CEP63: variants seen among roughly 807,000 people sequenced by gnomAD.
The protein encoded by CEP63 is centrosomal protein of 63 kDa.
A neutral mutation model predicts 89.1 loss-of-function variants in CEP63; 84 were observed. The ratio of observed to expected loss-of-function variants is 0.94; its 90% CI spans 0.79 to 1.13. CEP63 has a LOEUF of 1.13. CEP63 is among the 50% of genes most tolerant of loss of function. The pLI is 0.00. For synonymous variants in CEP63, 267 were observed against 272.5 expected (o/e 0.98, Z 0.20); for missense variants, 838 against 813.3 (o/e 1.03, Z -0.37).
chr3:134,498,294 A>G (rs1654224349), intron 2 of CEP63, among the ~76,000 whole-genome samples: 1 of 151,024 alleles, frequency 6.6e-6, no homozygotes, highest in Non-Finnish European at 1.5e-5. Flanking sequence ...ATTTAATCCT[A>G]GGTATTTTTT....
the CEP63 span, among the ~76,000 whole-genome samples, chr3:134,765,507 G>A: frequency 2.0e-4 from 31 of 152,232 alleles, no homozygotes; most frequent in Admixed American, 6.5e-5. Flanking sequence ...GGCATGTAGG[G>A]TCTCCTGGAG....
the CEP63 span, among the ~76,000 whole-genome samples, chr3:134,746,986 A>T: frequency 6.6e-6 from 1 of 152,016 alleles, no homozygotes; most frequent in Non-Finnish European, 1.5e-5. Flanking sequence ...TTTAGTCATG[A>T]AGTCCTTGCC....
chr3:134,680,294 T>A, the CEP63 span, among the ~76,000 whole-genome samples: 3 of 152,256 alleles, frequency 2.0e-5, no homozygotes, highest in Non-Finnish European at 4.4e-5. Context: ...GGTTTAATCC[T>A]GTGACCATTC....
chr3:134,602,132 T>G, the CEP63 span, among the ~76,000 whole-genome samples: 2 of 151,064 alleles, frequency 1.3e-5, no homozygotes, highest in African/African-American at 4.9e-5. Context: ...CTCTCAGGGG[T>G]TGGGGGGCAC....
At chr3:134,658,669 G>A in the CEP63 span, among the ~76,000 whole-genome samples, 6 of 152,204 alleles carry the variant, frequency 3.9e-5, no homozygotes, top group Non-Finnish European at 7.3e-5. Context: ...TTGCTCTTCT[G>A]TGTCTGTCTC....
At chr3:134,774,664 T>A in the CEP63 span, among the ~76,000 whole-genome samples, 1 of 152,196 alleles carries the variant, frequency 6.6e-6, no homozygotes, top group Non-Finnish European at 1.5e-5. Context: ...ATAAATGCTG[T>A]GTGAGAGAGT....
the CEP63 span, among the ~76,000 whole-genome samples, chr3:134,617,554 C>T: frequency 3.9e-5 from 6 of 152,160 alleles, no homozygotes; most frequent in Non-Finnish European, 5.9e-5. Flanking sequence ...GTAATATGAC[C>T]AAATGTTACC....
At chr3:134,774,238 G>T in the CEP63 span, among the ~76,000 whole-genome samples, 4 of 152,088 alleles carry the variant, frequency 2.6e-5, no homozygotes, top group Non-Finnish European at 4.4e-5. Flanking sequence ...GGTCTCTCTG[G>T]GTGATGCTGA....
intron 3 of CEP63, among the ~76,000 whole-genome samples, chr3:134,514,473 A>G (rs769484394): frequency 6.6e-6 from 1 of 152,202 alleles, no homozygotes; most frequent in African/African-American, 2.4e-5. Context: ...AAGAAGTCCA[A>G]GAATCTCAAG....
the CEP63 span, among the ~76,000 whole-genome samples, chr3:134,772,235 G>A: frequency 1.2e-3 from 181 of 150,856 alleles, 1 homozygote; most frequent in Middle Eastern, 3.4e-3. Flanking sequence ...GAGAGGAGGT[G>A]GATGGGAGAA....
At chr3:134,669,471 G>C in the CEP63 span, among the ~76,000 whole-genome samples, 10 of 152,182 alleles carry the variant, frequency 6.6e-5, no homozygotes, top group Admixed American at 2.0e-4. Flanking sequence ...AATGAGGAGG[G>C]GGGTCTTGGG....
At chr3:134,573,212 C>T (rs1378211856) in intron 11 of CEP63, among the ~76,000 whole-genome samples, 1 of 152,086 alleles carries the variant, frequency 6.6e-6, no homozygotes, top group African/African-American at 2.4e-5. Context: ...TTTGTTTACT[C>T]TGTAGAAAGT....
intron 10 of CEP63, among the ~76,000 whole-genome samples, chr3:134,582,893 T>C (rs1054546596): frequency 1.3e-5 from 2 of 152,216 alleles, no homozygotes; most frequent in African/African-American, 4.8e-5. Flanking sequence ...AGATGGTATC[T>C]CATTGTGGTT....
At chr3:134,600,440 G>A in the CEP63 span, among the ~76,000 whole-genome samples, 2 of 152,222 alleles carry the variant, frequency 1.3e-5, no homozygotes, top group Non-Finnish European at 2.9e-5. Context: ...TTAGCAGGCA[G>A]TGAGGAGGCT....
chr3:134,604,277 C>T, the CEP63 span: 1 of 1,613,980 alleles, frequency 6.2e-7, no homozygotes, highest in Non-Finnish European at 8.5e-7. Context: ...AGCGTGTACT[C>T]CAGCACTGAG....
chr3:134,569,436 A>T (rs1410390896), downstream of CEP63, among the ~76,000 whole-genome samples: 1 of 152,246 alleles, frequency 6.6e-6, no homozygotes. Context: ...TGGCCAAAAC[A>T]AGGGGGCTGC....
chr3:134,581,976 A>T (rs1409295893), intron 10 of CEP63, among the ~76,000 whole-genome samples: 2 of 152,042 alleles, frequency 1.3e-5, no homozygotes, highest in African/African-American at 4.8e-5. Flanking sequence ...CGCCCGGCCG[A>T]AAACATTTTT....
chr3:134,505,259 T>G lies in CEP63; in HGVS notation c.45-1850T>G, dbSNP rs527938745. ...ACTTCTTCCAATTATATGGATTGGC[T>G]TTCATAGGGAAAATTTTTTTCATAT... On this transcript the variant is annotated intron_variant, in intron 2 of 14. Coordinates refer to ENST00000675561, the MANE Select transcript of CEP63 (RefSeq NM_001353108.3). Among the ~76,000 whole-genome samples the G allele has an allele frequency of 2.0e-5, 3 of 152,278 alleles. No individual in the cohort carries two copies. The East Asian group carries it at 5.8e-4, about 29-fold the overall frequency.
the CEP63 span, among the ~76,000 whole-genome samples, chr3:134,717,024 A>G: frequency 3.3e-5 from 5 of 152,176 alleles, no homozygotes; most frequent in Non-Finnish European, 5.9e-5. Context: ...CCTTTTGACC[A>G]TGGATATTTG....
Sources: allele counts gnomAD v4.1 joint callset (sites outside exome capture counted in the v4.1 genomes callset), GRCh38; gene constraint gnomAD v4.1.1; transcripts MANE v1.5; gene names NCBI Gene and HGNC (gene_info 2026-07-23, HGNC 2026-07-21).